Variants in ROBO2 observed in about 807,000 individuals in gnomAD.
The protein encoded by ROBO2 is roundabout guidance receptor 2.
In ROBO2, 53 loss-of-function variants were observed where a neutral mutation model predicts 160.8. That is an observed-to-expected ratio of 0.33 (90% CI 0.26 to 0.41). The LOEUF is 0.41. Among genes scored for constraint, ROBO2 ranks in the 10% least tolerant of loss-of-function variants. ROBO2 has a pLI of 1.00. For missense variants in ROBO2, 1,577 were observed against 1,722.4 expected (o/e 0.92, Z 1.49); for synonymous variants, 664 against 611.7 (o/e 1.09, Z -1.26).
chr3:75,923,730 A>G (rs1947161380), intron 1 of ROBO2, among the ~76,000 whole-genome samples: 1 of 152,192 alleles, frequency 6.6e-6, no homozygotes, highest in Admixed American at 6.5e-5. Context: ...AAAAAATAGG[A>G]CTTAATATAA....
intron 2 of ROBO2, among the ~76,000 whole-genome samples, chr3:76,160,214 C>T (rs1217608004): frequency 6.6e-6 from 1 of 152,084 alleles, no homozygotes; most frequent in South Asian, 2.1e-4. Context: ...ACTTTCGTCT[C>T]TCGGTAGCCA....
At chr3:76,588,463 G>C (rs2086201177) in intron 2 of ROBO2, among the ~76,000 whole-genome samples, 1 of 152,110 alleles carries the variant, frequency 6.6e-6, no homozygotes, top group Non-Finnish European at 1.5e-5. Context: ...TTTCATAGCT[G>C]ATTATATATT....
intron 2 of ROBO2, among the ~76,000 whole-genome samples, chr3:75,953,867 A>C (rs980404438): frequency 6.6e-6 from 1 of 151,862 alleles, no homozygotes; most frequent in Non-Finnish European, 1.5e-5. Flanking sequence ...AAATCACCTT[A>C]GTTTTGGTCT....
intron 2 of ROBO2, among the ~76,000 whole-genome samples, chr3:77,213,011 A>G (rs1042337547): frequency 2.6e-5 from 4 of 152,176 alleles, no homozygotes; most frequent in African/African-American, 9.6e-5. Flanking sequence ...ATCAATGTTC[A>G]TCAGGGATAT....
chr3:76,978,803 G>A (rs1227316609), intron 2 of ROBO2, among the ~76,000 whole-genome samples: 1 of 151,878 alleles, frequency 6.6e-6, no homozygotes, highest in Non-Finnish European at 1.5e-5. Flanking sequence ...ATATGAATAC[G>A]ATTTCCCAAG....
chr3:76,711,571 A>G lies in ROBO2; in HGVS notation c.110-386443A>G, dbSNP rs559953843. ...AATTTTAAGATAACGAAATCCATCC[A>G]CACATCTACATTAAGCACCTGTCAA... is the stretch of plus-strand genomic sequence containing the variant. On this transcript the variant is annotated intron_variant, in intron 2 of 26. Coordinates refer to the ROBO2 transcript ENST00000487694. Among the ~76,000 whole-genome samples the G allele has an allele frequency of 7.9e-4, 120 of 152,326 alleles. 1 individual carries two copies. The highest frequency in any genetic ancestry group is 5.8e-3 in the South Asian group (28 of 4,824).
intron 2 of ROBO2, among the ~76,000 whole-genome samples, chr3:77,428,903 C>G (rs1355094713): frequency 6.6e-6 from 1 of 151,978 alleles, no homozygotes; most frequent in Non-Finnish European, 1.5e-5. Flanking sequence ...CATTTTCTGT[C>G]AAAACTCATA....
intron 2 of ROBO2, among the ~76,000 whole-genome samples, chr3:76,896,633 A>G (rs2074802252): frequency 6.6e-6 from 1 of 152,154 alleles, no homozygotes; most frequent in African/African-American, 2.4e-5. Context: ...TTAGAATCTT[A>G]TCAGGTACAA....
chr3:77,628,814 C>T (rs2153711038), intron 23 of ROBO2, among the ~76,000 whole-genome samples: 1 of 152,304 alleles, frequency 6.6e-6, no homozygotes, highest in Non-Finnish European at 1.5e-5. Flanking sequence ...ACGTGAGACA[C>T]TTCCCTCTCT....
chr3:76,878,429 T>C (rs1173657152), intron 2 of ROBO2, among the ~76,000 whole-genome samples: 2 of 152,226 alleles, frequency 1.3e-5, no homozygotes, highest in Non-Finnish European at 2.9e-5. Context: ...TAATGGTATG[T>C]AATTGGCTTA....
At chr3:77,222,104 G>A (rs2085895061) in intron 2 of ROBO2, among the ~76,000 whole-genome samples, 1 of 151,822 alleles carries the variant, frequency 6.6e-6, no homozygotes, top group African/African-American at 2.4e-5. Flanking sequence ...ACCCACCTCG[G>A]CCTCCCAAAG....
intron 2 of ROBO2, among the ~76,000 whole-genome samples, chr3:76,993,787 A>G (rs752526941): frequency 2.8e-4 from 42 of 152,048 alleles, no homozygotes; most frequent in African/African-American, 8.2e-4. Flanking sequence ...GTCTTAGGAT[A>G]TTTATCTCCA....
chr3:77,625,673 G>A (rs1026086562), intron 23 of ROBO2, among the ~76,000 whole-genome samples: 3 of 152,134 alleles, frequency 2.0e-5, no homozygotes, highest in South Asian at 2.1e-4. Context: ...ACTGCGGCCG[G>A]CCCATGCAAG....
intron 1 of ROBO2, among the ~76,000 whole-genome samples, chr3:77,071,326 A>G (rs1006756332): frequency 1.1e-4 from 16 of 152,210 alleles, no homozygotes; most frequent in Admixed American, 7.2e-4. Flanking sequence ...TTCAGTAAAA[A>G]TATGTCAGTA....
intron 2 of ROBO2, among the ~76,000 whole-genome samples, chr3:76,096,158 T>G (rs972676675): frequency 1.3e-5 from 2 of 152,292 alleles, no homozygotes; most frequent in East Asian, 3.9e-4. Context: ...AATCCTGTGA[T>G]TCTGGGCCAT....
intron 2 of ROBO2, among the ~76,000 whole-genome samples, chr3:76,309,702 T>C (rs1233964438): frequency 6.6e-6 from 1 of 152,232 alleles, no homozygotes; most frequent in Non-Finnish European, 1.5e-5. Context: ...TGTGTCTCAC[T>C]GATTAAGGAA....
intron 2 of ROBO2, among the ~76,000 whole-genome samples, chr3:76,637,826 C>T (rs2090424214): frequency 1.3e-5 from 2 of 152,120 alleles, no homozygotes; most frequent in African/African-American, 4.8e-5. Context: ...AAAAGCAGTG[C>T]TGCCAAAATT....
intron 1 of ROBO2, among the ~76,000 whole-genome samples, chr3:77,088,169 G>A (rs968269249): frequency 1.3e-5 from 2 of 152,062 alleles, no homozygotes; most frequent in African/African-American, 4.8e-5. Flanking sequence ...AGGGGAAAAA[G>A]TGTTCTAATT....
intron 2 of ROBO2, among the ~76,000 whole-genome samples, chr3:76,857,067 G>T (rs2070185681): frequency 6.6e-6 from 1 of 151,390 alleles, no homozygotes; most frequent in African/African-American, 2.4e-5. Context: ...CTCACTGCTA[G>T]CTCCTTCTCC....
Sources: allele counts gnomAD v4.1 joint callset (sites outside exome capture counted in the v4.1 genomes callset), GRCh38; gene constraint gnomAD v4.1.1; transcripts MANE v1.5; gene names NCBI Gene and HGNC (gene_info 2026-07-23, HGNC 2026-07-21).